IQANK1: variants seen among roughly 807,000 people sequenced by gnomAD.
The protein encoded by IQANK1 is IQ motif and ankyrin repeat containing 1.
IQANK1 carries 30 observed loss-of-function variants against 22.6 expected under a neutral mutation model. That is an observed-to-expected ratio of 1.33 (90% CI 0.99 to 1.80). IQANK1 has a LOEUF of 1.80. IQANK1 is among the 40% of genes most tolerant of loss of function. IQANK1 has a pLI of 0.00. For synonymous variants in IQANK1, 122 were observed against 99.6 expected, an observed-to-expected ratio of 1.23 and a Z score of -1.34; for missense variants, 275 against 235.2, an observed-to-expected ratio of 1.17 and a Z score of -1.11.
rs4875053 is a variant in IQANK1 at position 143,790,241 on chromosome 8, C to T, written c.1394C>T (p.Thr465Met). 8.1e-7 allele frequency: 1 copy of T among 1,231,998 alleles called. No homozygotes were observed. Among genetic ancestry groups the T allele is most frequent in the Non-Finnish European group, 1.0e-6 (1 of 988,018 alleles). 76.3% of individuals were successfully genotyped at this position (1,231,998 alleles called of 1,614,324 possible). Residue 465 changes from threonine (T) to methionine (M), a missense_variant, in exon 13 of 14, where the codon ACG becomes ATG. Physicochemically the swap from Thr to Met is moderately conservative, Grantham distance 81 (BLOSUM62 -1). Coordinates refer to ENST00000527139, the MANE Select transcript of IQANK1 (RefSeq NM_001381874.1). Reference protein sequence around the residue: ...TVNPEPLRPETMWLALLGALR... With the variant: ...TVNPEPLRPEMMWLALLGALR... ...AACCCGGAGCCCCTGAGGCCGGAGA[C>T]GATGTGGCTGGCTCTGCTGGGGGCT... is the stretch of plus-strand genomic sequence containing the variant.
intron 3 of IQANK1, among the ~76,000 whole-genome samples, chr8:143,750,361 T>C (rs1587477834): frequency 6.6e-6 from 1 of 152,176 alleles, no homozygotes; most frequent in African/African-American, 2.4e-5. Flanking sequence ...TCATTCCTCC[T>C]CTTTTGGTTT....
intron 7 of IQANK1, among the ~76,000 whole-genome samples, chr8:143,773,401 G>T (rs189623271): frequency 2.0e-5 from 3 of 152,226 alleles, no homozygotes; most frequent in Non-Finnish European, 4.4e-5. Context: ...CAGGAGTGGG[G>T]TGGGGTGAGG....
rs553961871 is a variant in IQANK1, at chr8:143,747,758, G to A, written c.175+7810G>A. 1.4e-4 allele frequency among the ~76,000 whole-genome samples: 22 copies of A among 152,048 alleles called. 1 individual carries two copies. The South Asian group carries it at 1.7e-3, about 11-fold the overall frequency. ...GGTCAGAGAAGAAACTTTGCGCAGCGTGATTTTAAAAAATCTATTGAGAGT... is the reference window on the plus strand; with the variant it reads ...GGTCAGAGAAGAAACTTTGCGCAGCATGATTTTAAAAAATCTATTGAGAGT... On this transcript the variant is annotated intron_variant, in intron 3 of 13. Coordinates refer to ENST00000527139, the MANE Select transcript of IQANK1 (RefSeq NM_001381874.1).
At chr8:143,761,472 G>A (rs1350014850) in intron 3 of IQANK1, among the ~76,000 whole-genome samples, 2 of 152,184 alleles carry the variant, frequency 1.3e-5, no homozygotes, top group African/African-American at 4.8e-5. Context: ...CATACTGACA[G>A]CCATAATGAT....
rs188162090 is a variant in IQANK1, at chr8:143,771,166, C to A, written c.176-322C>A. ...GCCTTCGGCTTTCAGGGAAGGGTGT[C>A]CCGCGGGGGACAGCACCCCTTCCTC... is the stretch of plus-strand genomic sequence containing the variant. On this transcript the variant is annotated intron_variant, in intron 3 of 13. Coordinates refer to ENST00000527139, the MANE Select transcript of IQANK1 (RefSeq NM_001381874.1). This position sits in a 1 kb window ranked among gnomAD's most constrained non-coding sequence, Gnocchi z 6.0. Among the ~76,000 whole-genome samples, 39 of 152,346 alleles carry A rather than the reference C, an allele frequency of 2.6e-4. No homozygotes were observed. In the East Asian group the frequency reaches 7.4e-3, roughly 29 times the overall value.
In IQANK1 at chr8:143,790,336, G is replaced by A. The variant is rs117373000; in HGVS notation, c.1425-14G>A. On this transcript the variant is annotated splice_polypyrimidine_tract_variant and intron_variant, in intron 13 of 13. Transcript: ENST00000527139. ...CCCTAGCCCCACCCTGGCCTCACCA[G>A]CCTCATGGGGCAGGTATGGGAAGCC... The A allele has an allele frequency of 3.0e-4, 369 of 1,211,272 alleles. 1 individual carries two copies. In the East Asian group the frequency reaches 7.1e-3, roughly 23 times the overall value. 75.0% of individuals were successfully genotyped at this position (1,211,272 alleles called of 1,614,324 possible).
chr8:143,743,131 C>A, intron 3 of IQANK1: 1 of 429,008 alleles, frequency 2.3e-6, no homozygotes, highest in Non-Finnish European at 4.8e-6. Context: ...GCCAGGCTGA[C>A]GTCGAGGAAA....
intron 3 of IQANK1, among the ~76,000 whole-genome samples, chr8:143,752,995 C>CTTTT (rs1563771948): frequency 1.3e-5 from 1 of 74,742 alleles, no homozygotes; most frequent in African/African-American, 4.8e-5. Context: ...ACTCTCTGTT[C>CTTTT]GTTTTTTTTT....
At chr8:143,751,675 T>TATAA (rs1563771601) in intron 3 of IQANK1, among the ~76,000 whole-genome samples, 1 of 140,740 alleles carries the variant, frequency 7.1e-6, no homozygotes, top group African/African-American at 2.6e-5. Context: ...TATATATATA[T>TATAA]ATAAAATCCT....
chr8:143,771,403 G>A lies in IQANK1; in HGVS notation c.176-85G>A. On this transcript the variant is annotated intron_variant, in intron 3 of 13. Transcript: ENST00000527139. This position sits in a 1 kb window ranked among gnomAD's most constrained non-coding sequence, Gnocchi z 6.0. Reference sequence around the variant, plus strand: ...GGGTCCTTCTGTCGGGGCGGGGGCGGGGGCGGGGCCGGCTCCACTCCCAGG... The same window carrying A: ...GGGTCCTTCTGTCGGGGCGGGGGCGAGGGCGGGGCCGGCTCCACTCCCAGG... 2.6e-6 allele frequency: 1 copy of A among 389,826 alleles called. No homozygotes were observed. Among genetic ancestry groups the A allele is most frequent in the East Asian group, 3.6e-5 (1 of 27,532 alleles). The allele number at this position is 389,826 out of a possible 1,614,324, so 24.1% of individuals were successfully genotyped here.
At chr8:143,783,579 C>T (rs1563780796) in intron 7 of IQANK1, among the ~76,000 whole-genome samples, 1 of 152,062 alleles carries the variant, frequency 6.6e-6, no homozygotes, top group Non-Finnish European at 1.5e-5. Context: ...TTTTGTTTTA[C>T]TGTAGTAAAT....
chr8:143,773,250 C>A (rs1460991638), intron 7 of IQANK1, among the ~76,000 whole-genome samples: 1 of 148,934 alleles, frequency 6.7e-6, no homozygotes, highest in Non-Finnish European at 1.5e-5. Context: ...GAGGTTGCAG[C>A]GAGCCAAGAT....
chr8:143,773,639 A>G (rs781929925), intron 7 of IQANK1, among the ~76,000 whole-genome samples: 14 of 151,710 alleles, frequency 9.2e-5, no homozygotes, highest in Middle Eastern at 3.4e-3. Flanking sequence ...AGATGCATCC[A>G]CTGGACTGCT....
intron 3 of IQANK1, among the ~76,000 whole-genome samples, chr8:143,766,865 G>C (rs1819490781): frequency 6.6e-6 from 1 of 152,102 alleles, no homozygotes; most frequent in Non-Finnish European, 1.5e-5. Flanking sequence ...GTTGTGAATG[G>C]GGTAAAGTAG....
chr8:143,757,930 G>A (rs1554628588), intron 3 of IQANK1, among the ~76,000 whole-genome samples: 1 of 152,184 alleles, frequency 6.6e-6, no homozygotes. Context: ...TCTTACTGAG[G>A]CATTCAAGGT....
chr8:143,737,260 G>C (rs1818765118), intron 2 of IQANK1, among the ~76,000 whole-genome samples: 1 of 152,190 alleles, frequency 6.6e-6, no homozygotes, highest in Non-Finnish European at 1.5e-5. Context: ...TTGCAGGGGT[G>C]GGGGCTGTGC....
intron 7 of IQANK1, among the ~76,000 whole-genome samples, chr8:143,777,143 T>TAC (rs1563778856): frequency 6.7e-6 from 1 of 148,682 alleles, no homozygotes; most frequent in African/African-American, 2.5e-5. Context: ...CACATATATA[T>TAC]ACACACACAT....
At chr8:143,789,728 G>A (rs2129965355) in intron 10 of IQANK1, 33 bp from the exon 11 acceptor site, 1 of 1,229,920 alleles carries the variant, frequency 8.1e-7, no homozygotes. Context: ...GCATGGGGCA[G>A]GGCAAGCAAG....
chr8:143,768,620 C>T (rs1819520799), intron 3 of IQANK1, among the ~76,000 whole-genome samples: 2 of 152,270 alleles, frequency 1.3e-5, no homozygotes, highest in South Asian at 4.1e-4. Flanking sequence ...TCTACTTTCC[C>T]TCCACTCCCT....
Sources: gnomAD v4.1 joint callset for allele counts (sites outside exome capture counted in the v4.1 genomes callset) on GRCh38, gnomAD v4.1.1 for gene constraint, Gnocchi (gnomAD v3.1) non-coding constraint, MANE v1.5 for transcripts, NCBI Gene and HGNC (gene_info 2026-07-23, HGNC 2026-07-21) for gene names.